TNFSF8: variants seen among roughly 807,000 people sequenced by gnomAD.
The protein encoded by TNFSF8 is TNF superfamily member 8, also known as tumor necrosis factor ligand superfamily member 8.
A neutral mutation model predicts 22.0 loss-of-function variants in TNFSF8; 4 were observed. The ratio of observed to expected loss-of-function variants is 0.18; its 90% CI spans 0.09 to 0.42. The LOEUF (loss-of-function observed/expected upper bound fraction) is 0.42. TNFSF8 is among the 10% of genes least tolerant of loss of function. The pLI, the probability that TNFSF8 is intolerant of heterozygous loss-of-function variation, is 1.00. For synonymous variants in TNFSF8, 106 were observed against 112.5 expected, an observed-to-expected ratio of 0.94 and a Z score of 0.37; for missense variants, 233 against 281.8, an observed-to-expected ratio of 0.83 and a Z score of 1.24.
intron 2 of TNFSF8, among the ~76,000 whole-genome samples, chr9:114,914,311 C>T (rs148889243): frequency 2.7e-4 from 41 of 152,328 alleles, no homozygotes; most frequent in African/African-American, 9.6e-4. Context: ...TGCTACACTG[C>T]CCTACCAGCT....
In TNFSF8 at chr9:114,901,877, T is replaced by C. The variant is rs181299588; in HGVS notation, c.*2054A>G. ...TAAAATTTTCCCTTAGCCATTTTTG[T>C]TCTCTCAAGTCCCTTTCATCCATAC... On this transcript the variant is annotated 3_prime_UTR_variant, in exon 4 of 4. Transcript: ENST00000223795. 307 of 954,288 alleles carry C rather than the reference T, an allele frequency of 3.2e-4. 1 individual carries two copies. The Middle Eastern group carries it at 0.012, about 37-fold the overall frequency. 59.1% of individuals were successfully genotyped at this position (954,288 alleles called of 1,614,324 possible).
chr9:114,903,922 A>G lies in TNFSF8; in HGVS notation c.*9T>C, dbSNP rs756710945. ...AGGCGCTTTCTTCCTGAAGGCCAAGAGAAACTGTTCAGTCTGAATTACTGT... is the reference window on the plus strand; with the variant it reads ...AGGCGCTTTCTTCCTGAAGGCCAAGGGAAACTGTTCAGTCTGAATTACTGT... On this transcript the variant is annotated 3_prime_UTR_variant, in exon 4 of 4. Coordinates refer to ENST00000223795, the MANE Select transcript of TNFSF8 (RefSeq NM_001244.4). The G allele has an allele frequency of 7.2e-5, 115 of 1,596,842 alleles. No individual in the cohort carries two copies. Among genetic ancestry groups the G allele is most frequent in the Non-Finnish European group, 7.9e-5 (93 of 1,170,898 alleles).
chr9:114,930,252 T>G lies in TNFSF8; in HGVS notation c.52A>C (p.Thr18Pro). 1 of 1,605,920 alleles carries G rather than the reference T, an allele frequency of 6.2e-7. No homozygotes were observed. The highest frequency in any genetic ancestry group is 8.5e-7 in the Non-Finnish European group (1 of 1,176,080). The change falls in exon 1 of 4, where the codon ACA (threonine) becomes CCA (proline). Residue 18 changes from threonine to proline, a missense_variant. Thr to Pro is a conservative substitution (Grantham distance 38). Transcript: ENST00000223795. ...GAGCCCGCCGGCACATGCATGGCTG[T>G]GTCTCCAGGAGGGGCCATTCCGTTG... ...ALNGMAPPGD[T>P]AMHVPAGSVA...
chr9:114,924,727 C>T (rs1376215479), intron 1 of TNFSF8, among the ~76,000 whole-genome samples: 2 of 152,116 alleles, frequency 1.3e-5, no homozygotes, highest in Non-Finnish European at 2.9e-5. Context: ...CTACAAACTC[C>T]TCCTTCATCC....
At chr9:114,911,162 A>C (rs1827847796) in intron 2 of TNFSF8, among the ~76,000 whole-genome samples, 1 of 152,264 alleles carries the variant, frequency 6.6e-6, no homozygotes, top group Non-Finnish European at 1.5e-5. Flanking sequence ...GCTCATTAAA[A>C]TGAAGCTCAT....
At chr9:114,895,286 A>C (rs944231678) in intron 4 of TNFSF8, among the ~76,000 whole-genome samples, 1 of 152,206 alleles carries the variant, frequency 6.6e-6, no homozygotes, top group Non-Finnish European at 1.5e-5. Flanking sequence ...TTGTCTTCTA[A>C]GTGCTCATTT....
rs1160503803 is a variant in TNFSF8, at chr9:114,930,335, A to C, written c.-32T>G. 7.1e-7 allele frequency: 1 copy of C among 1,410,184 alleles called. No individual in the cohort carries two copies. The highest frequency in any genetic ancestry group is 9.4e-7 in the Non-Finnish European group (1 of 1,065,226). 87.4% of individuals were successfully genotyped at this position (1,410,184 alleles called of 1,614,324 possible). On this transcript the variant is annotated 5_prime_UTR_variant, in exon 1 of 4. Transcript: ENST00000223795. ...TATAGTCTTCCCCACATCACACCTT[A>C]TCTCTCTTCATCTGATTCAGTTCTG... is the stretch of plus-strand genomic sequence containing the variant.
chr9:114,899,070 G>A (rs188557282), downstream of TNFSF8, among the ~76,000 whole-genome samples: 203 of 152,214 alleles, frequency 1.3e-3, 1 homozygote, highest in Non-Finnish European at 1.6e-3. Flanking sequence ...TACTAAGCTC[G>A]TATTTGAACA....
exon 5 of TNFSF8, chr9:114,893,781 TTGA>T (rs779473964): frequency 1.5e-4 from 45 of 303,480 alleles, no homozygotes; most frequent in Non-Finnish European, 2.6e-4. Context: ...CTGAAGGGAA[TTGA>T]TGTTCACACA....
intron 1 of TNFSF8, among the ~76,000 whole-genome samples, chr9:114,923,490 C>CTTTCTTT (rs1554778284): frequency 1.4e-5 from 1 of 72,988 alleles, no homozygotes; most frequent in African/African-American, 1.1e-4. Flanking sequence ...TTCTTTCTTT[C>CTTTCTTT]TTTCTTTCTT....
At chr9:114,897,129 G>T (rs976980538), downstream of TNFSF8, among the ~76,000 whole-genome samples, 6 of 152,118 alleles carry the variant, frequency 3.9e-5, no homozygotes, top group African/African-American at 1.4e-4. Flanking sequence ...TCGAACCCCT[G>T]ACCTCAAGTG....
chr9:114,920,593 AT>A (rs374167927), intron 1 of TNFSF8, among the ~76,000 whole-genome samples: 1 of 152,354 alleles, frequency 6.6e-6, no homozygotes, highest in Non-Finnish European at 1.5e-5. Context: ...TAGAACTTCA[AT>A]GTGCATATGA....
rs1827747197 is a variant in TNFSF8 at position 114,903,796 on chromosome 9, A to G, written c.*135T>C. Reference sequence around the variant, plus strand: ...CTGGAGCTGTATCTTTCCAAGAGACAGAAGGAGAAGTATACTATTTAATAC... The same window carrying G: ...CTGGAGCTGTATCTTTCCAAGAGACGGAAGGAGAAGTATACTATTTAATAC... On this transcript the variant is annotated 3_prime_UTR_variant, in exon 4 of 4. Coordinates refer to ENST00000223795, the MANE Select transcript of TNFSF8 (RefSeq NM_001244.4). 7.0e-7 allele frequency: 1 copy of G among 1,433,214 alleles called. No individual in the cohort carries two copies. Among genetic ancestry groups the G allele is most frequent in the African/African-American group, 1.4e-5 (1 of 69,120 alleles). The allele number at this position is 1,433,214 out of a possible 1,614,324, so 88.8% of individuals were successfully genotyped here.
chr9:114,902,655 A>C lies in TNFSF8; in HGVS notation c.*1276T>G. On this transcript the variant is annotated 3_prime_UTR_variant, in exon 4 of 4. Transcript: ENST00000223795. The stretch of plus-strand genomic sequence containing the variant: ...CTGAGATGAGATGCAGTCAGGTGTT[A>C]CTAGTGTCTTCAATTATATACTGGG... 1.0e-6 allele frequency: 1 copy of C among 985,306 alleles called. No homozygotes were observed. Among genetic ancestry groups the C allele is most frequent in the African/African-American group, 1.7e-5 (1 of 57,326 alleles). 61.0% of individuals were successfully genotyped at this position (985,306 alleles called of 1,614,324 possible).
intron 1 of TNFSF8, among the ~76,000 whole-genome samples, chr9:114,924,900 G>C (rs1828037233): frequency 6.6e-6 from 1 of 152,122 alleles, no homozygotes. Context: ...CTCACACAGG[G>C]CTCGCTCCTG....
At chr9:114,905,172 G>A (rs113000128) in intron 3 of TNFSF8, among the ~76,000 whole-genome samples, 337 of 152,276 alleles carry the variant, frequency 2.2e-3, no homozygotes, top group Non-Finnish European at 3.7e-3. Flanking sequence ...TTTAAACCTC[G>A]TTGCAATTCA....
chr9:114,916,666 A>G (rs1055976084), intron 2 of TNFSF8, among the ~76,000 whole-genome samples: 2 of 151,926 alleles, frequency 1.3e-5, no homozygotes, highest in African/African-American at 4.8e-5. Flanking sequence ...GCCTGCAGTG[A>G]CTCCTCCAAT....
intron 1 of TNFSF8, among the ~76,000 whole-genome samples, chr9:114,925,863 C>A (rs572204321): frequency 6.6e-6 from 1 of 152,230 alleles, no homozygotes; most frequent in African/African-American, 2.4e-5. Context: ...AAAACAAAGA[C>A]GTCTCTAAGG....
chr9:114,917,709 GAGTATTATTA>G (rs1827936820), intron 2 of TNFSF8, among the ~76,000 whole-genome samples: 1 of 152,206 alleles, frequency 6.6e-6, no homozygotes, highest in Non-Finnish European at 1.5e-5. Flanking sequence ...TTGATGAGGT[GAGTATTATTA>G]TTATTCCCAT....
Sources: gnomAD v4.1 joint callset for allele counts (sites outside exome capture counted in the v4.1 genomes callset) on GRCh38, gnomAD v4.1.1 for gene constraint, MANE v1.5 for transcripts, NCBI Gene and HGNC (gene_info 2026-07-23, HGNC 2026-07-21) for gene names.